The following BMP5 variants were observed in gnomAD, a reference collection of about 807,000 sequenced individuals.
BMP5 encodes the protein bone morphogenetic protein 5.
Under a neutral mutation model 46.6 loss-of-function variants are expected in BMP5, and 23 were observed. The observed-to-expected ratio is 0.49, with a 90% CI of 0.35 to 0.70. The LOEUF is 0.70. Ranked by LOEUF, BMP5 falls within the 30% of genes least tolerant of loss-of-function variation. The pLI, the probability that BMP5 is intolerant of heterozygous loss-of-function variation, is 0.00. For missense variants in BMP5, 545 were observed against 565.6 expected, an observed-to-expected ratio of 0.96 and a Z score of 0.37; for synonymous variants, 204 against 191.9, an observed-to-expected ratio of 1.06 and a Z score of -0.52.
At chr6:55,794,492 T>A in intron 2 of BMP5, 65 bp from the exon 3 acceptor site, 1 of 1,518,098 alleles carries the variant, frequency 6.6e-7, no homozygotes, top group Non-Finnish European at 9.1e-7. Context: ...TTCCTAGACT[T>A]AAGTGAAAAC....
At chr6:55,795,238 T>C (rs937414134) in intron 2 of BMP5, among the ~76,000 whole-genome samples, 6 of 152,266 alleles carry the variant, frequency 3.9e-5, no homozygotes, top group Admixed American at 3.3e-4. Flanking sequence ...GAGCTAAAAT[T>C]ACCTATTTCT....
intron 1 of BMP5, among the ~76,000 whole-genome samples, chr6:55,871,217 A>C (rs1333401820): frequency 2.0e-5 from 3 of 151,912 alleles, no homozygotes; most frequent in Non-Finnish European, 4.4e-5. Flanking sequence ...AGAGATGGTT[A>C]AAAAAGAAAA....
At chr6:55,842,128 G>T (rs1301097815) in intron 1 of BMP5, among the ~76,000 whole-genome samples, 1 of 152,116 alleles carries the variant, frequency 6.6e-6, no homozygotes. Flanking sequence ...TTCATTTTCT[G>T]GTCTGTTGAG....
intron 3 of BMP5, among the ~76,000 whole-genome samples, chr6:55,787,984 T>TG (rs1221851009): frequency 1.3e-5 from 2 of 151,610 alleles, no homozygotes; most frequent in Non-Finnish European, 3.0e-5. Flanking sequence ...TAGGGACCAT[T>TG]GGACCCTACT....
At chr6:55,755,823 G>T (rs1423501254) in intron 6 of BMP5, 141 bp from the exon 7 acceptor site, 3 of 808,684 alleles carry the variant, frequency 3.7e-6, no homozygotes, top group Non-Finnish European at 4.0e-6. Context: ...TTCCATGACT[G>T]GGGTGGGGGA....
intron 1 of BMP5, among the ~76,000 whole-genome samples, chr6:55,823,109 G>C (rs1258310783): frequency 6.6e-6 from 1 of 151,916 alleles, no homozygotes; most frequent in Non-Finnish European, 1.5e-5. Context: ...TAAGAAATTG[G>C]GTGATGACAG....
chr6:55,857,712 C>T (rs975834456), intron 1 of BMP5, among the ~76,000 whole-genome samples: 1 of 152,126 alleles, frequency 6.6e-6, no homozygotes, highest in African/African-American at 2.4e-5. Flanking sequence ...TCCTTCTCTG[C>T]AATCCCAAAA....
At position 55,761,175 on chromosome 6, in the gene BMP5, A is replaced by T. The variant is rs564993072; in HGVS notation, c.1028-642T>A. Among the ~76,000 whole-genome samples the T allele has an allele frequency of 2.0e-5, 3 of 152,106 alleles. No homozygotes were observed. In the East Asian group the frequency reaches 5.8e-4, roughly 30 times the overall value. ...ATTTACACATCCAATCTGTCAGGAAATCTCACACACTATCTTCAATAAGTC... is the reference window on the plus strand; with the variant it reads ...ATTTACACATCCAATCTGTCAGGAATTCTCACACACTATCTTCAATAAGTC... On this transcript the variant is annotated intron_variant, in intron 4 of 6. Coordinates refer to ENST00000370830, the MANE Select transcript of BMP5 (RefSeq NM_021073.4).
intron 2 of BMP5, among the ~76,000 whole-genome samples, chr6:55,800,314 T>C (rs531602912): frequency 1.3e-5 from 2 of 152,334 alleles, no homozygotes; most frequent in African/African-American, 4.8e-5. Context: ...ATATTAATCA[T>C]TTCAGACAAC....
Position 55,788,856 on chromosome 6 carries a change from T to C in BMP5, c.832+5423A>G, listed in dbSNP as rs1196253596. Among the ~76,000 whole-genome samples, 4 of 151,908 alleles carry C rather than the reference T, an allele frequency of 2.6e-5. No homozygotes were observed. In the East Asian group the frequency reaches 7.7e-4, roughly 29 times the overall value. On this transcript the variant is annotated intron_variant, in intron 3 of 6. Transcript: ENST00000370830. ...ATCCTCCTCATTTAAATATCAAAACTTTAAATTCTAAGTTACTGTAAGCAA... is the reference window on the plus strand; with the variant it reads ...ATCCTCCTCATTTAAATATCAAAACCTTAAATTCTAAGTTACTGTAAGCAA...
intron 2 of BMP5, among the ~76,000 whole-genome samples, chr6:55,810,118 T>A (rs1308966255): frequency 6.6e-6 from 1 of 152,144 alleles, no homozygotes; most frequent in Non-Finnish European, 1.5e-5. Flanking sequence ...AGCTTTTAGC[T>A]TATATGGGCT....
chr6:55,776,500 G>C (rs905074610), intron 3 of BMP5, among the ~76,000 whole-genome samples: 4 of 151,136 alleles, frequency 2.6e-5, no homozygotes, highest in African/African-American at 9.7e-5. Flanking sequence ...AGAATAACTA[G>C]CAATCTGTTC....
intron 3 of BMP5, among the ~76,000 whole-genome samples, chr6:55,792,050 C>G (rs1775583219): frequency 6.6e-6 from 1 of 152,146 alleles, no homozygotes. Flanking sequence ...TGCTTGAACT[C>G]TGAGGATCCT....
intron 4 of BMP5, among the ~76,000 whole-genome samples, chr6:55,762,819 A>G (rs995234619): frequency 6.6e-6 from 1 of 152,094 alleles, no homozygotes; most frequent in African/African-American, 2.4e-5. Context: ...ACTTTTTTTT[A>G]AAGAAACTGA....
At chr6:55,852,768 T>G (rs2127550277) in intron 1 of BMP5, among the ~76,000 whole-genome samples, 1 of 152,296 alleles carries the variant, frequency 6.6e-6, no homozygotes, top group Non-Finnish European at 1.5e-5. Context: ...CTAGTTTGGT[T>G]TGCTGTCATT....
At chr6:55,861,940 A>T (rs1386329348) in intron 1 of BMP5, among the ~76,000 whole-genome samples, 2 of 152,238 alleles carry the variant, frequency 1.3e-5, no homozygotes, top group East Asian at 3.9e-4. Context: ...CTTCGGACAA[A>T]GGACTTCAGG....
At chr6:55,846,013 T>G (rs1777089653) in intron 1 of BMP5, among the ~76,000 whole-genome samples, 1 of 151,946 alleles carries the variant, frequency 6.6e-6, no homozygotes, top group Non-Finnish European at 1.5e-5. Flanking sequence ...GACTTGGAAT[T>G]TAGCTGGAAG....
chr6:55,834,041 C>A (rs1171326011), intron 1 of BMP5, among the ~76,000 whole-genome samples: 4 of 151,998 alleles, frequency 2.6e-5, no homozygotes, highest in Non-Finnish European at 4.4e-5. Context: ...ATTTAGCCAC[C>A]ATTTTGGGCA....
chr6:55,848,640 C>T (rs142564830), intron 1 of BMP5, among the ~76,000 whole-genome samples: 6 of 151,788 alleles, frequency 4.0e-5, no homozygotes, highest in East Asian at 1.9e-4. Flanking sequence ...TGCTGTGGTC[C>T]GTGGATGATC....
Sources: gnomAD v4.1 joint callset for allele counts (sites outside exome capture counted in the v4.1 genomes callset) on GRCh38, gnomAD v4.1.1 for gene constraint, MANE v1.5 for transcripts, NCBI Gene and HGNC (gene_info 2026-07-23, HGNC 2026-07-21) for gene names.